The following ZNF569 variants were observed in gnomAD, a reference collection of about 807,000 sequenced individuals.
ZNF569 encodes the protein DNA-binding protein.
A neutral mutation model predicts 56.3 loss-of-function variants in ZNF569; 38 were observed. That is an observed-to-expected ratio of 0.68 (90% confidence interval 0.52 to 0.88). The LOEUF (loss-of-function observed/expected upper bound fraction) is 0.88, where lower values mean the gene tolerates loss of function less well. ZNF569 is among the 40% of genes least tolerant of loss of function. The pLI is 0.00. For missense variants in ZNF569, 666 were observed against 809.2 expected (o/e 0.82, Z 2.15); for synonymous variants, 241 against 262.9 (o/e 0.92, Z 0.81).
intron 2 of ZNF569, among the ~76,000 whole-genome samples, chr19:37,449,336 G>A (rs1245790183): frequency 3.3e-5 from 5 of 152,126 alleles, no homozygotes; most frequent in African/African-American, 9.7e-5. Flanking sequence ...TTTGAACACC[G>A]AAAAAATTGA....
intron 2 of ZNF569, among the ~76,000 whole-genome samples, chr19:37,449,799 T>TG (rs1568742197): frequency 2.0e-5 from 3 of 152,196 alleles, no homozygotes; most frequent in African/African-American, 7.2e-5. Flanking sequence ...AGCATTTAGA[T>TG]GAATCTTGCT....
chr19:37,413,384 A>G lies in ZNF569; in HGVS notation c.1274T>C (p.Phe425Ser). ...CRKAFSHKKNFITHQKIHTRE... is the reference protein window; with the variant it reads ...CRKAFSHKKNSITHQKIHTRE... ...AGTATGAATTTTCTGGTGTGTAATG[A>G]AGTTTTTCTTGTGGCTGAAGGCTTT... The change falls in exon 6 of 6, where the codon TTC (phenylalanine) becomes TCC (serine). Residue 425 changes from phenylalanine to serine, a missense_variant. Transcript: ENST00000316950. 1 of 1,611,108 alleles carries G rather than the reference A, an allele frequency of 6.2e-7. No individual in the cohort carries two copies. Among genetic ancestry groups the G allele is most frequent in the Non-Finnish European group, 8.5e-7 (1 of 1,179,200 alleles).
chr19:37,466,788 T>C (rs1199082615), intron 1 of ZNF569: 2 of 152,218 alleles, frequency 1.3e-5, no homozygotes, highest in Non-Finnish European at 2.9e-5. Flanking sequence ...TCATGCACGT[T>C]TGCACGCAGG....
chr19:37,437,491 A>G (rs73027390), intron 3 of ZNF569, among the ~76,000 whole-genome samples: 3,957 of 152,314 alleles, frequency 0.026, 78 homozygotes, highest in Middle Eastern at 0.044. Flanking sequence ...GAGAAATCAG[A>G]TAAGAGAAAG....
chr19:37,454,821 T>C, intron 2 of ZNF569: 1 of 702,104 alleles, frequency 1.4e-6, no homozygotes, highest in South Asian at 1.5e-5. Context: ...ACTTGATAGC[T>C]GTATTTTCTT....
At chr19:37,435,494 A>G (rs550300517) in intron 3 of ZNF569, among the ~76,000 whole-genome samples, 1 of 152,318 alleles carries the variant, frequency 6.6e-6, no homozygotes, top group African/African-American at 2.4e-5. Context: ...TTGAATGTAA[A>G]TGGACTAACA....
At position 37,413,140 on chromosome 19, in the gene ZNF569, C is replaced by G. The variant is rs2040867044; in HGVS notation, c.1518G>C (p.Lys506Asn). 4 of 1,608,444 alleles carry G rather than the reference C, an allele frequency of 2.5e-6. No homozygotes were observed. In the East Asian group the frequency reaches 8.9e-5, roughly 36 times the overall value. The change falls in exon 6 of 6, where the codon AAG becomes AAC. Residue 506 changes from lysine (K) to asparagine (N), a missense_variant. Physicochemically the swap from Lys to Asn is moderately conservative, Grantham distance 94. Transcript: ENST00000316950. ...CTTTTTGATGTGTAATGAAGTTTTG[C>G]TTTTGGCTGAAGGCTTTACCACATT... ...CNECGKAFSQ[K>N]QNFITHQKVH...
At chr19:37,461,173 A>G (rs2146976167) in intron 2 of ZNF569, among the ~76,000 whole-genome samples, 1 of 152,316 alleles carries the variant, frequency 6.6e-6, no homozygotes, top group South Asian at 2.1e-4. Context: ...TAGTAAACGA[A>G]GTAATGACAG....
chr19:37,435,508 G>T (rs1242765027), intron 3 of ZNF569, among the ~76,000 whole-genome samples: 1 of 152,086 alleles, frequency 6.6e-6, no homozygotes, highest in East Asian at 1.9e-4. Flanking sequence ...ACTAACATTT[G>T]AATGTAAAGC....
chr19:37,467,625 T>G (rs1600367054), upstream of ZNF569: 1 of 561,564 alleles, frequency 1.8e-6, no homozygotes, highest in South Asian at 2.3e-5. Context: ...TACAGCGGGG[T>G]GAAGGTGGTG....
At chr19:37,424,665 A>C (rs1299740685) in intron 5 of ZNF569, among the ~76,000 whole-genome samples, 1 of 151,538 alleles carries the variant, frequency 6.6e-6, no homozygotes, top group Non-Finnish European at 1.5e-5. Context: ...AATACCAAAA[A>C]GTTAGCCAGG....
At chr19:37,461,577 T>A (rs1329654012) in intron 2 of ZNF569, among the ~76,000 whole-genome samples, 1 of 152,146 alleles carries the variant, frequency 6.6e-6, no homozygotes. Flanking sequence ...AGTGCTGGGA[T>A]TACAGGCATG....
At chr19:37,440,385 G>T (rs945695647) in intron 3 of ZNF569, among the ~76,000 whole-genome samples, 1 of 152,106 alleles carries the variant, frequency 6.6e-6, no homozygotes, top group Non-Finnish European at 1.5e-5. Flanking sequence ...CACAGAGACA[G>T]AATGCAGAAT....
Position 37,412,640 on chromosome 19 carries a change from T to C in ZNF569, c.2018A>G (p.Gln673Arg). 6.2e-7 allele frequency: 1 copy of C among 1,610,842 alleles called. No individual in the cohort carries two copies. Among genetic ancestry groups the C allele is most frequent in the South Asian group, 1.1e-5 (1 of 90,528 alleles). Residue 673 changes from glutamine (Q) to arginine (R), a missense_variant, in exon 6 of 6, where the codon CAA becomes CGA. Physicochemically the swap from Gln to Arg is conservative, Grantham distance 43. Transcript: ENST00000316950. ...CTGGTGTCTAACAAGGTGCGACTTT[T>C]GGCTGAAAGCCTTGCCACACTCAAT... ...HCIECGKAFS[Q>R]KSHLVRHQRI... is the part of the protein sequence containing the mutation.
chr19:37,444,833 G>T, intron 3 of ZNF569, 74 bp downstream of exon 3: 1 of 1,181,640 alleles, frequency 8.5e-7, no homozygotes, highest in Non-Finnish European at 1.2e-6. Flanking sequence ...ATAATTTACT[G>T]TATGAATTAC....
chr19:37,467,854 G>T, upstream of ZNF569: 1 of 1,535,506 alleles, frequency 6.5e-7, no homozygotes, highest in South Asian at 1.2e-5. Flanking sequence ...TATTCTCGTG[G>T]CTGTTTGATT....
chr19:37,414,071 T>C lies in ZNF569; in HGVS notation c.587A>G (p.Asn196Ser), dbSNP rs532445392. 40 of 1,613,694 alleles carry C rather than the reference T, an allele frequency of 2.5e-5. No individual in the cohort carries two copies. The Admixed American group carries it at 2.7e-4, about 11-fold the overall frequency. ...FKCNHCGKGF[N>S]QTLDLIRHLR... Reference sequence around the variant, plus strand: ...ATGTCTGATGAGGTCCAAAGTCTGATTGAAGCCTTTTCCACAATGATTACA... The same window carrying C: ...ATGTCTGATGAGGTCCAAAGTCTGACTGAAGCCTTTTCCACAATGATTACA... The change falls in exon 6 of 6, where the codon AAT becomes AGT. Residue 196 changes from asparagine (N) to serine (S), a missense_variant. Transcript: ENST00000316950.
chr19:37,467,600 T>C, upstream of ZNF569: 2 of 514,430 alleles, frequency 3.9e-6, no homozygotes, highest in South Asian at 5.4e-5. Flanking sequence ...TTTGGGTCTC[T>C]ACCTGAGGCT....
intron 3 of ZNF569, chr19:37,431,783 G>C (rs2041229322): frequency 6.6e-6 from 1 of 152,330 alleles, no homozygotes; most frequent in Admixed American, 6.5e-5. Flanking sequence ...ACCTGCCCTG[G>C]GCCGAAGGGG....
Sources: allele counts gnomAD v4.1 joint callset (sites outside exome capture counted in the v4.1 genomes callset), GRCh38; gene constraint gnomAD v4.1.1; transcripts MANE v1.5; gene names NCBI Gene and HGNC (gene_info 2026-07-23, HGNC 2026-07-21).